PCDHGB3: variants seen among roughly 807,000 people sequenced by gnomAD.
The protein encoded by PCDHGB3 is protocadherin gamma-B3.
A neutral mutation model predicts 59.2 loss-of-function variants in PCDHGB3; 40 were observed. That is an observed-to-expected ratio of 0.68 (90% CI 0.52 to 0.88). The LOEUF is 0.88. Ranked by LOEUF, PCDHGB3 falls within the 40% of genes least tolerant of loss-of-function variation. PCDHGB3 has a pLI of 0.00. For missense variants in PCDHGB3, 1,309 were observed against 1,187.9 expected, an observed-to-expected ratio of 1.10 and a Z score of -1.50; for synonymous variants, 581 against 503.6, an observed-to-expected ratio of 1.15 and a Z score of -2.06.
At chr5:141,383,871 T>C (rs1490693086) in intron 1 of PCDHGB3, 1 of 1,613,852 alleles carries the variant, frequency 6.2e-7, no homozygotes, top group African/African-American at 1.3e-5. Flanking sequence ...CTCAAGATGG[T>C]CCTGGTAGTC....
At chr5:141,478,505 T>C (rs1298083274) in intron 1 of PCDHGB3, 3 of 1,612,032 alleles carry the variant, frequency 1.9e-6, no homozygotes, top group Non-Finnish European at 2.5e-6. Context: ...TCCGGTGTTC[T>C]ATAGGCAGGT....
Position 141,431,151 on chromosome 5 carries a change from C to A in PCDHGB3, c.2415+58342C>A, listed in dbSNP as rs764416448. On this transcript the variant is annotated intron_variant, in intron 1 of 3. Transcript: ENST00000576222. This position sits in a 1 kb window ranked among gnomAD's most constrained non-coding sequence, Gnocchi z 4.8. Reference sequence around the variant, plus strand: ...GTAAGGGACATTAACGACAATGCGCCTTACTTTCGTGAAAGTGAATTAGAA... The same window carrying A: ...GTAAGGGACATTAACGACAATGCGCATTACTTTCGTGAAAGTGAATTAGAA... 7.4e-6 allele frequency: 12 copies of A among 1,614,126 alleles called. No individual in the cohort carries two copies. Among genetic ancestry groups the A allele is most frequent in the Middle Eastern group, 1.6e-4 (1 of 6,084 alleles).
At chr5:141,380,088 T>A (rs1292073938) in intron 1 of PCDHGB3, among the ~76,000 whole-genome samples, 1 of 151,730 alleles carries the variant, frequency 6.6e-6, no homozygotes, top group Non-Finnish European at 1.5e-5. Flanking sequence ...TTAGTAGAGA[T>A]GGGGTTTTAC....
In PCDHGB3 at chr5:141,441,804, C is replaced by CAT. The variant is rs1189673284; in HGVS notation, c.2416-53003_2416-53002insAT. The CAT allele has an allele frequency of 6.5e-4, 249 of 382,482 alleles. 2 individuals are homozygous for CAT. Among genetic ancestry groups the CAT allele is most frequent in the African/African-American group, 4.8e-3 (221 of 45,888 alleles). 23.7% of individuals were successfully genotyped at this position (382,482 alleles called of 1,614,324 possible). The stretch of plus-strand genomic sequence containing the variant: ...CCTGAATGACAACGCACCGCGGGTG[C>CAT]TGTACCCCAGCTCTGGAGCGCAATG... On this transcript the variant is annotated intron_variant, in intron 1 of 3. Transcript: ENST00000576222.
At chr5:141,381,992 G>A (rs553767265) in intron 1 of PCDHGB3, among the ~76,000 whole-genome samples, 50 of 151,748 alleles carry the variant, frequency 3.3e-4, no homozygotes, top group African/African-American at 1.1e-3. Context: ...ACCACGCCCG[G>A]ATAATTTTGT....
At chr5:141,508,927 A>C (rs1562237319) in intron 3 of PCDHGB3, among the ~76,000 whole-genome samples, 1 of 151,542 alleles carries the variant, frequency 6.6e-6, no homozygotes. Context: ...TTCCTTTTGG[A>C]GTTAATTAGG....
chr5:141,490,488 C>A lies in PCDHGB3; in HGVS notation c.2416-4319C>A, dbSNP rs142637733. 6.2e-7 allele frequency: 1 copy of A among 1,614,018 alleles called. No homozygotes were observed. Among genetic ancestry groups the A allele is most frequent in the African/African-American group, 1.3e-5 (1 of 74,904 alleles). ...CCAGCCAGCCTTTGGACCGGGAGGC[C>A]ACATCCCACTATATCATCGAGCTGC... On this transcript the variant is annotated intron_variant, in intron 1 of 3. Coordinates refer to ENST00000576222, the MANE Select transcript of PCDHGB3 (RefSeq NM_018924.5). The surrounding 1 kb of genome is among the most constrained non-coding windows in gnomAD (Gnocchi z 5.4).
At chr5:141,405,218 G>T in intron 1 of PCDHGB3, 1 of 1,613,986 alleles carries the variant, frequency 6.2e-7, no homozygotes, top group Non-Finnish European at 8.5e-7. Flanking sequence ...CTATTCTCAG[G>T]AGTTCTCCCT....
In PCDHGB3 at chr5:141,372,709, C is replaced by A. The variant is rs751651788; in HGVS notation, c.2315C>A (p.Ala772Asp). Residue 772 changes from alanine to aspartate, a missense_variant, in exon 1 of 4, where the codon GCT becomes GAT. Ala to Asp is a moderately radical substitution (Grantham distance 126). Coordinates refer to ENST00000576222, the MANE Select transcript of PCDHGB3 (RefSeq NM_018924.5). The part of the protein sequence containing the change: ...NTEFKFLNIK[A>D]ENAAPQDLLC... ...GAGTTTAAATTTCTCAATATAAAGG[C>A]TGAAAATGCTGCACCACAAGATCTT... 6.2e-7 allele frequency: 1 copy of A among 1,613,966 alleles called. No homozygotes were observed. The highest frequency in any genetic ancestry group is 1.1e-5 in the South Asian group (1 of 91,078).
rs566838507 is a variant in PCDHGB3, at chr5:141,415,047, G to T, written c.2415+42238G>T. ...GCGAGCCGGGACTCTTCGCGGTGGG[G>T]GAGCACACGGGCGAGGTGCGCACGG... On this transcript the variant is annotated intron_variant, in intron 1 of 3. Transcript: ENST00000576222. The T allele has an allele frequency of 4.2e-5, 67 of 1,613,220 alleles. 1 individual carries two copies. The Admixed American group carries it at 6.0e-4, about 14-fold the overall frequency.
chr5:141,503,362 G>A (rs565902559), intron 2 of PCDHGB3, among the ~76,000 whole-genome samples: 32 of 152,054 alleles, frequency 2.1e-4, no homozygotes, highest in African/African-American at 6.5e-4. Context: ...TTTGGGAAGC[G>A]GAGGCAGGTG....
chr5:141,394,891 TCGTGGTGGCAGTGG>T (rs1346277751), intron 1 of PCDHGB3: 11 of 1,613,892 alleles, frequency 6.8e-6, no homozygotes, highest in Non-Finnish European at 9.3e-6. Flanking sequence ...ACACTCTATC[TCGTGGTGGCAGTGG>T]CTGCCATCTC....
At chr5:141,399,591 G>A (rs2093843307) in intron 1 of PCDHGB3, 1 of 1,613,970 alleles carries the variant, frequency 6.2e-7, no homozygotes. Flanking sequence ...ACTCTATCAT[G>A]GCCAGCGACC....
At chr5:141,393,377 AGC>A (rs1313389663) in intron 1 of PCDHGB3, 1 of 1,613,966 alleles carries the variant, frequency 6.2e-7, no homozygotes, top group Admixed American at 1.7e-5. Context: ...GAGACAATGG[AGC>A]CATAAACCCA....
chr5:141,462,652 A>T (rs201168659), intron 1 of PCDHGB3, among the ~76,000 whole-genome samples: 1 of 80,348 alleles, frequency 1.2e-5, no homozygotes, highest in African/African-American at 7.4e-5. Flanking sequence ...TTCCATCCTC[A>T]ATTATCTTCA....
At chr5:141,407,910 G>A in intron 1 of PCDHGB3, 1 of 428,786 alleles carries the variant, frequency 2.3e-6, no homozygotes, top group Non-Finnish European at 4.1e-6. Flanking sequence ...GAAAAACCGG[G>A]CTGCTGTCCC....
rs759466044 is a variant in PCDHGB3 at position 141,371,148 on chromosome 5, G to T, written c.754G>T (p.Ala252Ser). The T allele has an allele frequency of 9.9e-6, 16 of 1,613,892 alleles. No homozygotes were observed. The highest frequency in any genetic ancestry group is 4.4e-5 in the South Asian group (4 of 91,090). Residue 252 changes from alanine (A) to serine (S), a missense_variant, in exon 1 of 4, where the codon GCA becomes TCA. Ala to Ser is a moderately conservative substitution (Grantham distance 99). Coordinates refer to ENST00000576222, the MANE Select transcript of PCDHGB3 (RefSeq NM_018924.5). ...TCAGGACATGTACAGGGTCAATGTT[G>T]CAGAGAACCTGCCCGCTGGCTCCTC... ...FTQDMYRVNV[A>S]ENLPAGSSVL... is the part of the protein sequence containing the mutation.
intron 1 of PCDHGB3, among the ~76,000 whole-genome samples, chr5:141,430,341 C>T (rs766664177): frequency 1.4e-4 from 21 of 149,938 alleles, no homozygotes; most frequent in Non-Finnish European, 2.8e-4. Context: ...TAGAAACTTC[C>T]AATTCATTTA....
chr5:141,397,816 A>G (rs1403683863), intron 1 of PCDHGB3, among the ~76,000 whole-genome samples: 2 of 152,230 alleles, frequency 1.3e-5, no homozygotes, highest in African/African-American at 4.8e-5. Context: ...CACAAAAACA[A>G]TTACTGCACT....
Sources: gnomAD v4.1 joint callset for allele counts (sites outside exome capture counted in the v4.1 genomes callset) on GRCh38, gnomAD v4.1.1 for gene constraint, Gnocchi (gnomAD v3.1) non-coding constraint, MANE v1.5 for transcripts, NCBI Gene and HGNC (gene_info 2026-07-23, HGNC 2026-07-21) for gene names.